P2RY6: variants seen among roughly 807,000 people sequenced by gnomAD.
P2RY6 encodes pyrimidinergic receptor P2Y6, also known as P2Y purinoceptor 6.
Under a neutral mutation model 16.3 loss-of-function variants are expected in P2RY6, and 19 were observed. The ratio of observed to expected loss-of-function variants is 1.16; its 90% CI spans 0.81 to 1.71. P2RY6 has a LOEUF of 1.71. P2RY6 is among the 40% of genes most tolerant of loss of function. The pLI, the probability that P2RY6 is intolerant of heterozygous loss-of-function variation, is 0.00. For missense variants in P2RY6, 389 were observed against 455.5 expected (o/e 0.85, Z 1.33); for synonymous variants, 184 against 201.5 (o/e 0.91, Z 0.74).
upstream of P2RY6, among the ~76,000 whole-genome samples, chr11:73,269,118 C>T (rs1166442180): frequency 1.3e-5 from 2 of 152,186 alleles, no homozygotes; most frequent in Middle Eastern, 3.2e-3. Flanking sequence ...GTCAGCCTGG[C>T]CAGCTAGTGG....
intron 1 of P2RY6, among the ~76,000 whole-genome samples, chr11:73,293,100 A>T (rs549605857): frequency 6.6e-6 from 1 of 152,324 alleles, no homozygotes; most frequent in African/African-American, 2.4e-5. Flanking sequence ...GGGGGGATAA[A>T]AAAAGGAAGA....
intron 1 of P2RY6, among the ~76,000 whole-genome samples, chr11:73,281,830 C>T (rs1863776140): frequency 6.6e-6 from 1 of 152,230 alleles, no homozygotes; most frequent in Non-Finnish European, 1.5e-5. Context: ...ACTCTGGAAG[C>T]TCTAAGGGCT....
intron 1 of P2RY6, among the ~76,000 whole-genome samples, chr11:73,276,288 T>C (rs970534317): frequency 6.6e-6 from 1 of 152,250 alleles, no homozygotes; most frequent in South Asian, 2.1e-4. Context: ...TGAAAAAGTA[T>C]ACAGCCATTT....
At chr11:73,271,023 A>T (rs1306904177), upstream of P2RY6, among the ~76,000 whole-genome samples, 1 of 152,210 alleles carries the variant, frequency 6.6e-6, no homozygotes, top group South Asian at 2.1e-4. Flanking sequence ...GCTAGACTAC[A>T]GGTGTCTCAA....
intron 1 of P2RY6, among the ~76,000 whole-genome samples, chr11:73,264,938 A>G (rs1396375330): frequency 6.6e-6 from 1 of 152,132 alleles, no homozygotes; most frequent in African/African-American, 2.4e-5. Flanking sequence ...TGACCCATGG[A>G]TCACAGTGTG....
chr11:73,297,434 A>G lies in P2RY6; in HGVS notation c.916A>G (p.Lys306Glu), dbSNP rs1160966822. 6.2e-7 allele frequency: 1 copy of G among 1,612,590 alleles called. No individual in the cohort carries two copies. Among genetic ancestry groups the G allele is most frequent in the Admixed American group, 1.7e-5 (1 of 60,024 alleles). Residue 306 changes from lysine (K) to glutamate (E), a missense_variant, in exon 3 of 3, where the codon AAG becomes GAG. Lys to Glu is a moderately conservative substitution (Grantham distance 56). Coordinates refer to ENST00000540124, the MANE Select transcript of P2RY6 (RefSeq NM_001277204.2). ...CCCCATCCTCTTCTACTTCACCCAG[A>G]AGAAGTTCCGCCGGCGACCACATGA... Reference protein sequence around the residue: ...LDPILFYFTQKKFRRRPHELL... With the variant: ...LDPILFYFTQEKFRRRPHELL...
In P2RY6 at chr11:73,296,999, C is replaced by T; in HGVS notation, c.481C>T (p.Pro161Ser). 8.7e-6 allele frequency: 14 copies of T among 1,601,334 alleles called. No individual in the cohort carries two copies. The highest frequency in any genetic ancestry group is 1.2e-5 in the Non-Finnish European group (14 of 1,179,940). The change falls in exon 3 of 3, where the codon CCC becomes TCC. Residue 161 changes from proline (P) to serine (S), a missense_variant. By Grantham distance (74) the Pro-to-Ser change is moderately conservative. Transcript: ENST00000540124. ...VWLAVTTQCL[P>S]TAIFAATGIQ... ...GCTGGCCGTGACAACCCAGTGCCTG[C>T]CCACAGCCATCTTCGCTGCCACAGG...
chr11:73,292,794 G>A, intron 1 of P2RY6: 2 of 985,426 alleles, frequency 2.0e-6, no homozygotes, highest in Non-Finnish European at 1.2e-6. Context: ...AACAGAGGAA[G>A]CTGCTCACTC....
Position 73,297,218 on chromosome 11 carries a change from C to A in P2RY6, c.700C>A (p.Arg234Ser). The A allele has an allele frequency of 1.2e-6, 2 of 1,603,040 alleles. No individual in the cohort carries two copies. The highest frequency in any genetic ancestry group is 1.7e-6 in the Non-Finnish European group (2 of 1,179,452). The change falls in exon 3 of 3, where the codon CGT (arginine) becomes AGT (serine). Residue 234 changes from arginine (R) to serine (S), a missense_variant. Physicochemically the swap from Arg to Ser is moderately radical, Grantham distance 110 (BLOSUM62 -1). Transcript: ENST00000540124. ...GGCAGAGCCTGTGGCCCAGGAGCGGCGTGGCAAGGCGGCCCGCATGGCCGT... is the reference window on the plus strand; with the variant it reads ...GGCAGAGCCTGTGGCCCAGGAGCGGAGTGGCAAGGCGGCCCGCATGGCCGT... The part of the protein sequence containing the change: ...GPAEPVAQER[R>S]GKAARMAVVV...
At chr11:73,286,668 T>C (rs1863985628) in intron 1 of P2RY6, among the ~76,000 whole-genome samples, 1 of 152,032 alleles carries the variant, frequency 6.6e-6, no homozygotes. Context: ...CATTTCCCAG[T>C]GCCTCTTGGG....
intron 1 of P2RY6, among the ~76,000 whole-genome samples, chr11:73,293,241 A>G (rs1864341530): frequency 6.6e-6 from 1 of 152,200 alleles, no homozygotes; most frequent in South Asian, 2.1e-4. Flanking sequence ...TCTGGCTGCC[A>G]CTGGCTGTGT....
chr11:73,292,975 G>C (rs548119566), intron 1 of P2RY6: 11 of 177,020 alleles, frequency 6.2e-5, no homozygotes, highest in African/African-American at 1.5e-4. Context: ...GCGGGGGGTG[G>C]GGGGGGGAGG....
At chr11:73,295,641 G>A (rs1864442072) in intron 1 of P2RY6, 89 bp from the exon 2 acceptor site, 2 of 316,974 alleles carry the variant, frequency 6.3e-6, no homozygotes, top group African/African-American at 4.5e-5. Context: ...GCGCTGTGTT[G>A]TCAGAGGCTC....
At chr11:73,275,420 T>G (rs1192083856) in intron 1 of P2RY6, among the ~76,000 whole-genome samples, 1 of 152,108 alleles carries the variant, frequency 6.6e-6, no homozygotes, top group Non-Finnish European at 1.5e-5. Flanking sequence ...TCCCTTCTAT[T>G]GAGGGACAGG....
chr11:73,283,223 G>A (rs1322453306), intron 1 of P2RY6, among the ~76,000 whole-genome samples: 4 of 152,094 alleles, frequency 2.6e-5, no homozygotes, highest in Admixed American at 6.5e-5. Context: ...TATCCCCAGG[G>A]GCAGTAATCT....
intron 1 of P2RY6, among the ~76,000 whole-genome samples, chr11:73,287,666 C>A (rs1864022465): frequency 6.6e-6 from 1 of 152,272 alleles, no homozygotes; most frequent in African/African-American, 2.4e-5. Context: ...CATCAGCCAA[C>A]TGCACTACTT....
intron 1 of P2RY6, among the ~76,000 whole-genome samples, chr11:73,287,026 A>G (rs1273394447): frequency 1.3e-5 from 2 of 152,194 alleles, no homozygotes; most frequent in Non-Finnish European, 2.9e-5. Flanking sequence ...GGATTGAGGC[A>G]AAAAGGGAGT....
chr11:73,283,688 T>G (rs1248385663), intron 1 of P2RY6, among the ~76,000 whole-genome samples: 2 of 152,176 alleles, frequency 1.3e-5, no homozygotes, highest in East Asian at 1.9e-4. Context: ...GGAGCTGGGC[T>G]CAAAGGCTCC....
Position 73,297,441 on chromosome 11 carries a change from T to A in P2RY6, c.923T>A (p.Phe308Tyr), listed in dbSNP as rs373469202. ...PILFYFTQKKFRRRPHELLQK... is the reference protein window; with the variant it reads ...PILFYFTQKKYRRRPHELLQK... ...CTCTTCTACTTCACCCAGAAGAAGTTCCGCCGGCGACCACATGAGCTCCTA... is the reference window on the plus strand; with the variant it reads ...CTCTTCTACTTCACCCAGAAGAAGTACCGCCGGCGACCACATGAGCTCCTA... Residue 308 changes from phenylalanine to tyrosine, a missense_variant, in exon 3 of 3, where the codon TTC becomes TAC. By Grantham distance (22) the Phe-to-Tyr change is conservative (BLOSUM62 3). Transcript: ENST00000540124. The A allele has an allele frequency of 1.4e-5, 23 of 1,612,402 alleles. No individual in the cohort carries two copies. In the African/African-American group the frequency reaches 2.7e-4, roughly 19 times the overall value.
Sources: gnomAD v4.1 joint callset for allele counts (sites outside exome capture counted in the v4.1 genomes callset) on GRCh38, gnomAD v4.1.1 for gene constraint, MANE v1.5 for transcripts, NCBI Gene and HGNC (gene_info 2026-07-23, HGNC 2026-07-21) for gene names.